The following C10orf71 variants were observed in gnomAD, a reference collection of about 807,000 sequenced individuals.
C10orf71 encodes the protein cardiac-enriched FHL2-interacting protein.
For missense variants in C10orf71, 1,869 were observed against 1,804.5 expected (o/e 1.04, Z -0.65); for synonymous variants, 758 against 726.3 (o/e 1.04, Z -0.70).
In C10orf71 at chr10:49,322,443, T is replaced by G; in HGVS notation, c.-103T>G. The G allele has an allele frequency of 9.6e-5, 133 of 1,379,682 alleles. No individual in the cohort carries two copies. Among genetic ancestry groups the G allele is most frequent in the Non-Finnish European group, 1.1e-4 (116 of 1,042,034 alleles). The allele number at this position is 1,379,682 out of a possible 1,614,324, so 85.5% of individuals were successfully genotyped here. A position where few individuals can be genotyped will look rare whatever the true frequency, so the allele number is the denominator to read the frequency against. On this transcript the variant is annotated 5_prime_UTR_variant, in exon 3 of 3. It removes an upstream start codon present in the reference 5' UTR. Coordinates refer to ENST00000374144, the MANE Select transcript of C10orf71 (RefSeq NM_001135196.2). The stretch of plus-strand genomic sequence containing the variant: ...CCACTTTGCAATTGCATCTGGTCAA[T>G]GAGAGGCTCTAGTTTTGGGGAAGAG...
At chr10:49,311,091 C>T (rs1477030261) in intron 1 of C10orf71, among the ~76,000 whole-genome samples, 1 of 152,010 alleles carries the variant, frequency 6.6e-6, no homozygotes, top group Non-Finnish European at 1.5e-5. Flanking sequence ...CTCTGTCACT[C>T]ACCAGCTGTG....
chr10:49,305,333 A>T (rs1848794094), intron 1 of C10orf71, among the ~76,000 whole-genome samples: 1 of 152,144 alleles, frequency 6.6e-6, no homozygotes, highest in African/African-American at 2.4e-5. Context: ...GGTGAAAGGG[A>T]CCACTTCTCT....
At chr10:49,312,572 G>A (rs1390264702) in intron 1 of C10orf71, among the ~76,000 whole-genome samples, 1 of 152,232 alleles carries the variant, frequency 6.6e-6, no homozygotes, top group Non-Finnish European at 1.5e-5. Context: ...CCCTCCAGAA[G>A]GCATCAAAGC....
chr10:49,325,696 A>T lies in C10orf71; in HGVS notation c.3151A>T (p.Ser1051Cys), dbSNP rs541315612. ...GCCCCCTGGCAGAAGACTGGTCCCC[A>T]GTGAGAGGGCGAATTCCCCCAACCC... ...AGPPGRRLVP[S>C]ERANSPNPGS... The change falls in exon 3 of 3, where the codon AGT (serine) becomes TGT (cysteine). Residue 1051 changes from serine (S) to cysteine (C), a missense_variant. Coordinates refer to ENST00000374144, the MANE Select transcript of C10orf71 (RefSeq NM_001135196.2). 2 of 1,551,826 alleles carry T rather than the reference A, an allele frequency of 1.3e-6. No homozygotes were observed. The highest frequency in any genetic ancestry group is 2.7e-5 in the African/African-American group (2 of 73,182).
At chr10:49,310,759 G>A (rs73307877) in intron 1 of C10orf71, among the ~76,000 whole-genome samples, 1,730 of 151,348 alleles carry the variant, frequency 0.011, 35 homozygotes, top group African/African-American at 0.04. Flanking sequence ...AAAAGTTGGT[G>A]AGACCCTCAG....
intron 2 of C10orf71, among the ~76,000 whole-genome samples, chr10:49,316,681 C>T (rs1849004265): frequency 6.6e-6 from 1 of 152,132 alleles, no homozygotes; most frequent in African/African-American, 2.4e-5. Context: ...ATGTCAGGGG[C>T]CAGGCATGTC....
chr10:49,326,963 GATC>G lies in C10orf71; in HGVS notation c.*115_*117del, dbSNP rs1564694881. On this transcript the variant is annotated 3_prime_UTR_variant, in exon 3 of 3. Coordinates refer to ENST00000374144, the MANE Select transcript of C10orf71 (RefSeq NM_001135196.2). ...CACACACACACACACACACACACAC[GATC>G]ATCAACACATACTTAGCCTTTTTAG... 6.3e-6 allele frequency: 3 copies of G among 473,930 alleles called. No individual in the cohort carries two copies. Among genetic ancestry groups the G allele is most frequent in the African/African-American group, 4.5e-5 (1 of 22,312 alleles). 29.4% of individuals were successfully genotyped at this position (473,930 alleles called of 1,614,324 possible).
chr10:49,314,811 T>G (rs1848972363), intron 1 of C10orf71, among the ~76,000 whole-genome samples: 1 of 152,154 alleles, frequency 6.6e-6, no homozygotes, highest in Non-Finnish European at 1.5e-5. Flanking sequence ...TCAACAAAAT[T>G]CCTATTATCT....
intron 2 of C10orf71, among the ~76,000 whole-genome samples, chr10:49,317,543 G>A (rs1004003751): frequency 4.6e-5 from 7 of 152,294 alleles, no homozygotes; most frequent in African/African-American, 1.4e-4. Context: ...AGTATGACTG[G>A]TGTCCTTATG....
chr10:49,306,328 C>T (rs142319441), intron 1 of C10orf71, among the ~76,000 whole-genome samples: 62 of 152,318 alleles, frequency 4.1e-4, no homozygotes, highest in African/African-American at 1.4e-3. Context: ...GTCCCAGGGG[C>T]GGGCACAGCC....
At position 49,324,825 on chromosome 10, in the gene C10orf71, G is replaced by A. The variant is rs1408700791; in HGVS notation, c.2280G>A (p.Val760=). 1.3e-6 allele frequency: 2 copies of A among 1,551,908 alleles called. No homozygotes were observed. Among genetic ancestry groups the A allele is most frequent in the Non-Finnish European group, 1.7e-6 (2 of 1,147,092 alleles). The change falls in exon 3 of 3, where the codon GTG becomes GTA. Residue 760 remains valine, a synonymous_variant. Coordinates refer to ENST00000374144, the MANE Select transcript of C10orf71 (RefSeq NM_001135196.2). ...ENQREDRRKD[V]SAGDSQKDEK... ...AGCGGGAAGACAGGAGGAAGGATGT[G>A]AGTGCAGGTGACAGTCAGAAGGATG...
rs1444417727 is a variant in C10orf71, at chr10:49,327,145, C to T, written c.*292C>T. ...CTACTCCAGCCCTTCTCCCTCCCTC[C>T]CTTCCTCCCTCTCCTGGCCCACCCT... is the stretch of plus-strand genomic sequence containing the variant. On this transcript the variant is annotated 3_prime_UTR_variant, in exon 3 of 3. Transcript: ENST00000374144. 2 of 969,110 alleles carry T rather than the reference C, an allele frequency of 2.1e-6. No homozygotes were observed. Among genetic ancestry groups the T allele is most frequent in the Non-Finnish European group, 2.9e-6 (2 of 699,806 alleles). 60.0% of individuals were successfully genotyped at this position (969,110 alleles called of 1,614,324 possible).
At chr10:49,312,043 G>A (rs1403518031) in intron 1 of C10orf71, among the ~76,000 whole-genome samples, 4 of 152,230 alleles carry the variant, frequency 2.6e-5, no homozygotes, top group African/African-American at 9.6e-5. Context: ...GGGTATTTCG[G>A]TGCTTATCTC....
At chr10:49,311,149 T>A (rs1848906455) in intron 1 of C10orf71, among the ~76,000 whole-genome samples, 1 of 152,144 alleles carries the variant, frequency 6.6e-6, no homozygotes, top group African/African-American at 2.4e-5. Flanking sequence ...TTGTCTCTCC[T>A]CATGGGTGAT....
Position 49,326,362 on chromosome 10 carries a change from A to G in C10orf71, c.3817A>G (p.Thr1273Ala), listed in dbSNP as rs892129592. 1.9e-6 allele frequency: 3 copies of G among 1,550,204 alleles called. No homozygotes were observed. The highest frequency in any genetic ancestry group is 4.9e-5 in the East Asian group (2 of 40,908). Residue 1273 changes from threonine (T) to alanine (A), a missense_variant, in exon 3 of 3, where the codon ACC becomes GCC. Transcript: ENST00000374144. ...SLTPLPAYPA[T>A]QKVLQDPQSG... Reference sequence around the variant, plus strand: ...CACACCCCTGCCCGCGTACCCCGCCACCCAGAAGGTCCTCCAGGATCCGCA... The same window carrying G: ...CACACCCCTGCCCGCGTACCCCGCCGCCCAGAAGGTCCTCCAGGATCCGCA...
chr10:49,322,403 GAAA>G lies in C10orf71; in HGVS notation c.-134_-132del. On this transcript the variant is annotated splice_region_variant and 5_prime_UTR_variant, in exon 3 of 3. Coordinates refer to ENST00000374144, the MANE Select transcript of C10orf71 (RefSeq NM_001135196.2). ...GCCCTGCACCTTTTTCTTTTGCAGA[GAAA>G]AAAAAAAATCCCCACTTTGCAATTG... The G allele has an allele frequency of 1.2e-6, 1 of 855,974 alleles. No homozygotes were observed. The highest frequency in any genetic ancestry group is 1.6e-6 in the Non-Finnish European group (1 of 608,740). 53.0% of individuals were successfully genotyped at this position (855,974 alleles called of 1,614,324 possible). A position where few individuals can be genotyped will look rare whatever the true frequency, so the allele number is the denominator to read the frequency against.
At chr10:49,303,764 C>G (rs1590322562) in intron 1 of C10orf71, among the ~76,000 whole-genome samples, 1 of 152,246 alleles carries the variant, frequency 6.6e-6, no homozygotes, top group Non-Finnish European at 1.5e-5. Context: ...CTGGCCACAT[C>G]TGAATGGTTT....
rs150834256 is a variant in C10orf71 at position 49,324,909 on chromosome 10, C to T, written c.2364C>T (p.His788=). 91 of 1,550,630 alleles carry T rather than the reference C, an allele frequency of 5.9e-5. 1 individual carries two copies. Among genetic ancestry groups the T allele is most frequent in the African/African-American group, 3.7e-4 (27 of 73,104 alleles). ...ELQYCALSNG[H]ACLENRSQGE... Reference sequence around the variant, plus strand: ...AGTACTGTGCCTTAAGCAATGGGCACGCATGCCTGGAAAACCGCAGCCAGG... The same window carrying T: ...AGTACTGTGCCTTAAGCAATGGGCATGCATGCCTGGAAAACCGCAGCCAGG... The change falls in exon 3 of 3, where the codon CAC becomes CAT. Residue 788 remains histidine (H), a synonymous_variant. Coordinates refer to ENST00000374144, the MANE Select transcript of C10orf71 (RefSeq NM_001135196.2).
chr10:49,322,468 G>A lies in C10orf71; in HGVS notation c.-78G>A, dbSNP rs12416329. The A allele has an allele frequency of 0.077, 112,105 of 1,449,522 alleles. 5,516 individuals carry two copies. The highest frequency in any genetic ancestry group is 0.28 in the East Asian group (11,366 of 40,262). The allele number at this position is 1,449,522 out of a possible 1,614,324, so 89.8% of individuals were successfully genotyped here. On this transcript the variant is annotated 5_prime_UTR_variant, in exon 3 of 3. Transcript: ENST00000374144. Reference sequence around the variant, plus strand: ...TGAGAGGCTCTAGTTTTGGGGAAGAGGGAAACACCTAACCTTGACAGAATC... The same window carrying A: ...TGAGAGGCTCTAGTTTTGGGGAAGAAGGAAACACCTAACCTTGACAGAATC...
Sources: allele counts gnomAD v4.1 joint callset (sites outside exome capture counted in the v4.1 genomes callset), GRCh38; gene constraint gnomAD v4.1.1; transcripts MANE v1.5; gene names NCBI Gene and HGNC (gene_info 2026-07-23, HGNC 2026-07-21).